Variants in SLC38A10 observed in about 807,000 individuals in gnomAD.
SLC38A10 encodes Sodium-coupled neutral amino acid transporter 10.
A neutral mutation model predicts 81.0 loss-of-function variants in SLC38A10; 53 were observed. The ratio of observed to expected loss-of-function variants is 0.65; its 90% CI spans 0.53 to 0.82. The LOEUF is 0.82. Ranked by LOEUF, SLC38A10 falls within the 40% of genes least tolerant of loss-of-function variation. SLC38A10 has a pLI of 0.00. For missense variants in SLC38A10, 1,471 were observed against 1,545.0 expected, an observed-to-expected ratio of 0.95 and a Z score of 0.80; for synonymous variants, 665 against 655.3, an observed-to-expected ratio of 1.01 and a Z score of -0.23.
chr17:81,251,808 C>T (rs1000355842), intron 13 of SLC38A10, 196 bp from the exon 14 acceptor site: 1 of 609,540 alleles, frequency 1.6e-6, no homozygotes, highest in African/African-American at 1.9e-5. Context: ...ACCTCATAGG[C>T]TTGTGGCAAT....
intron 5 of SLC38A10, 129 bp from the exon 6 acceptor site, chr17:81,280,862 C>T (rs968885014): frequency 9.6e-6 from 13 of 1,354,980 alleles, no homozygotes; most frequent in Middle Eastern, 2.6e-4. Flanking sequence ...CCCAGCCCCC[C>T]ACCACCCTGT....
At position 81,245,589 on chromosome 17, in the gene SLC38A10, A is replaced by G. The variant is rs1158494989; in HGVS notation, c.3327T>C (p.Leu1109=). The G allele has an allele frequency of 6.2e-7, 1 of 1,611,120 alleles. No homozygotes were observed. The highest frequency in any genetic ancestry group is 8.5e-7 in the Non-Finnish European group (1 of 1,179,290). ...GALQVVHSRQ[L]RQAPGPPEES ...CCTCTGGAGGCCCAGGCGCCTGTCT[A>G]AGCTGCCGGCTGTGGACCACCTGCA... The change falls in exon 16 of 16, where the codon CTT becomes CTC. Residue 1109 remains leucine (L), a synonymous_variant. Transcript: ENST00000374759.
In SLC38A10 at chr17:81,259,291, T is replaced by C. The variant is rs1409851606; in HGVS notation, c.1288+947A>G. Among the ~76,000 whole-genome samples, 4 of 152,150 alleles carry C rather than the reference T, an allele frequency of 2.6e-5. No individual in the cohort carries two copies. The East Asian group carries it at 5.8e-4, about 22-fold the overall frequency. ...CAGAGCCGGCACTGCTCACTGGGGC[T>C]CCTCGGGTGGTGGGCAGATGACGCC... On this transcript the variant is annotated intron_variant, in intron 11 of 15. Coordinates refer to ENST00000374759, the MANE Select transcript of SLC38A10 (RefSeq NM_001037984.3).
chr17:81,249,576 T>C (rs1265532575), intron 14 of SLC38A10, among the ~76,000 whole-genome samples: 1 of 114,532 alleles, frequency 8.7e-6, no homozygotes, highest in African/African-American at 3.9e-5. Context: ...GAAGGAGCCA[T>C]GCCACGTCCA....
In SLC38A10 at chr17:81,245,065, CATA is replaced by C. The variant is rs775069775; in HGVS notation, c.*488_*490del. 25 of 159,828 alleles carry C rather than the reference CATA, an allele frequency of 1.6e-4. No individual in the cohort carries two copies. The highest frequency in any genetic ancestry group is 2.6e-4 in the Non-Finnish European group (19 of 73,314). The allele number at this position is 159,828 out of a possible 1,614,324, so 9.9% of individuals were successfully genotyped here. ...ACTGTGGGAAGCATCGATAAACAGT[CATA>C]ATAATTATCATTCTGAGTCACTGCA... On this transcript the variant is annotated 3_prime_UTR_variant, in exon 16 of 16. Coordinates refer to ENST00000374759, the MANE Select transcript of SLC38A10 (RefSeq NM_001037984.3).
Position 81,253,854 on chromosome 17 carries a change from C to T in SLC38A10, c.1289-614G>A, listed in dbSNP as rs1307836677. ...TCACCGCTATCATCACCACCATCTCCATCCCTACCACCATCACCATCATCA... is the reference window on the plus strand; with the variant it reads ...TCACCGCTATCATCACCACCATCTCTATCCCTACCACCATCACCATCATCA... On this transcript the variant is annotated intron_variant, in intron 11 of 15. Coordinates refer to ENST00000374759, the MANE Select transcript of SLC38A10 (RefSeq NM_001037984.3). The surrounding 1 kb of genome is among the most constrained non-coding windows in gnomAD (Gnocchi z 4.1). Among the ~76,000 whole-genome samples the T allele has an allele frequency of 6.6e-6, 1 of 151,886 alleles. No homozygotes were observed. Among genetic ancestry groups the T allele is most frequent in the Non-Finnish European group, 1.5e-5 (1 of 68,004 alleles).
At chr17:81,260,056 T>A (rs1044463155) in intron 11 of SLC38A10, among the ~76,000 whole-genome samples, 182 bp downstream of exon 11, 4 of 152,162 alleles carry the variant, frequency 2.6e-5, no homozygotes, top group Non-Finnish European at 5.9e-5. Flanking sequence ...CAGGCAGCCA[T>A]GCCACAGCCA....
intron 8 of SLC38A10, among the ~76,000 whole-genome samples, chr17:81,273,061 C>A (rs1343953239): frequency 6.6e-6 from 1 of 152,170 alleles, no homozygotes; most frequent in Non-Finnish European, 1.5e-5. Context: ...AGAACCCCCC[C>A]AAACACACGC....
In SLC38A10 at chr17:81,245,652, G is replaced by A; in HGVS notation, c.3264C>T (p.Ala1088=). ...CAGCCTGGCGGAGCTGGGCATCCAGGGCGCCACGGAGGTCGTTCACCTGGA... is the reference window on the plus strand; with the variant it reads ...CAGCCTGGCGGAGCTGGGCATCCAGAGCGCCACGGAGGTCGTTCACCTGGA... ...PDVQVNDLRG[A]LDAQLRQAAG... Residue 1088 remains alanine, a synonymous_variant, in exon 16 of 16, where the codon GCC becomes GCT. Transcript: ENST00000374759. 6.2e-7 allele frequency: 1 copy of A among 1,612,162 alleles called. No individual in the cohort carries two copies. Among genetic ancestry groups the A allele is most frequent in the Non-Finnish European group, 8.5e-7 (1 of 1,179,666 alleles).
chr17:81,294,044 C>T (rs574460369), intron 1 of SLC38A10, among the ~76,000 whole-genome samples: 1 of 151,762 alleles, frequency 6.6e-6, no homozygotes, highest in Non-Finnish European at 1.5e-5. Flanking sequence ...GACGGAGTCT[C>T]CCTCTGTCGC....
Position 81,276,690 on chromosome 17 carries a change from G to A in SLC38A10, c.729+341C>T, listed in dbSNP as rs1246245990. Among the ~76,000 whole-genome samples, 5 of 151,872 alleles carry A rather than the reference G, an allele frequency of 3.3e-5. No homozygotes were observed. Among genetic ancestry groups the A allele is most frequent in the South Asian group, 2.1e-4 (1 of 4,806 alleles). ...CAGGTGTGAGCAACGGCGCCCGGCC[G>A]GAACATGCCCATTTCTACAGAGAAT... is the stretch of plus-strand genomic sequence containing the variant. On this transcript the variant is annotated intron_variant, in intron 7 of 15. Coordinates refer to ENST00000374759, the MANE Select transcript of SLC38A10 (RefSeq NM_001037984.3). The surrounding 1 kb of genome is among the most constrained non-coding windows in gnomAD (Gnocchi z 4.7).
chr17:81,245,164 G>A lies in SLC38A10; in HGVS notation c.*392C>T, dbSNP rs1191843835. 1.4e-5 allele frequency: 3 copies of A among 209,682 alleles called. No individual in the cohort carries two copies. The highest frequency in any genetic ancestry group is 2.9e-5 in the Non-Finnish European group (3 of 104,942). The allele number at this position is 209,682 out of a possible 1,614,324, so 13.0% of individuals were successfully genotyped here. ...CATGAGCAGCCATGCGCACCTCCACGCACGGCCGAGCTCAACCCGAAGACC... is the reference window on the plus strand; with the variant it reads ...CATGAGCAGCCATGCGCACCTCCACACACGGCCGAGCTCAACCCGAAGACC... On this transcript the variant is annotated 3_prime_UTR_variant, in exon 16 of 16. Transcript: ENST00000374759.
Position 81,275,979 on chromosome 17 carries a change from C to T in SLC38A10, c.902G>A (p.Cys301Tyr). The T allele has an allele frequency of 6.2e-7, 1 of 1,613,460 alleles. No homozygotes were observed. The highest frequency in any genetic ancestry group is 8.5e-7 in the Non-Finnish European group (1 of 1,179,892). Residue 301 changes from cysteine to tyrosine, a missense_variant, in exon 8 of 16, where the codon TGT becomes TAT. Physicochemically the swap from Cys to Tyr is radical, Grantham distance 194 (BLOSUM62 -2). Transcript: ENST00000374759. ...CCCCGAGGGTCTTACCTGCTGCTCACACAGCAGCGTGCTCAGGGCCTGCCT... is the reference window on the plus strand; with the variant it reads ...CCCCGAGGGTCTTACCTGCTGCTCATACAGCAGCGTGCTCAGGGCCTGCCT... The part of the protein sequence containing the change: ...PCRQALSTLL[C>Y]EQQQKDGTFA...
Position 81,277,214 on chromosome 17 carries a change from C to T in SLC38A10, c.627-81G>A. On this transcript the variant is annotated intron_variant, in intron 6 of 15. Transcript: ENST00000374759. This position sits in a 1 kb window ranked among gnomAD's most constrained non-coding sequence, Gnocchi z 4.5. ...CGGCTCCACTTCTAGGACCTCTCTG[C>T]AGCCCAGTGAGAGTCTCTGACCTTC... is the stretch of plus-strand genomic sequence containing the variant. 3 of 1,236,502 alleles carry T rather than the reference C, an allele frequency of 2.4e-6. No homozygotes were observed. The highest frequency in any genetic ancestry group is 1.2e-5 in the South Asian group (1 of 80,788). The allele number at this position is 1,236,502 out of a possible 1,614,324, so 76.6% of individuals were successfully genotyped here. A position where few individuals can be genotyped will look rare whatever the true frequency, so the allele number is the denominator to read the frequency against.
At chr17:81,272,372 A>C in intron 9 of SLC38A10, 144 bp downstream of exon 9, 3 of 464,798 alleles carry the variant, frequency 6.5e-6, no homozygotes. Flanking sequence ...TCTGTGGGCC[A>C]GAGAAAAACT....
chr17:81,274,483 G>A (rs926197397), intron 8 of SLC38A10, among the ~76,000 whole-genome samples: 3 of 152,256 alleles, frequency 2.0e-5, no homozygotes, highest in Non-Finnish European at 2.9e-5. Flanking sequence ...CAGTTCAAGA[G>A]GAACGTGTGC....
In SLC38A10 at chr17:81,282,404, G is replaced by C; in HGVS notation, c.358-72C>G. On this transcript the variant is annotated intron_variant, in intron 4 of 15. Coordinates refer to ENST00000374759, the MANE Select transcript of SLC38A10 (RefSeq NM_001037984.3). ...ACCACCGGGCTCTCTGCACTGACAGGGAGTGGGAGCGCCCCGAGCCCGAAA... is the reference window on the plus strand; with the variant it reads ...ACCACCGGGCTCTCTGCACTGACAGCGAGTGGGAGCGCCCCGAGCCCGAAA... 4 of 1,534,364 alleles carry C rather than the reference G, an allele frequency of 2.6e-6. No homozygotes were observed. The South Asian group carries it at 4.7e-5, about 18-fold the overall frequency.
intron 1 of SLC38A10, among the ~76,000 whole-genome samples, chr17:81,293,645 A>AT (rs1172232074): frequency 1.3e-5 from 2 of 151,736 alleles, no homozygotes; most frequent in Non-Finnish European, 2.9e-5. Flanking sequence ...CTAACTTTTA[A>AT]TTTTTTTTGT....
rs1427624339 is a variant in SLC38A10 at position 81,295,077 on chromosome 17, C to A, written c.-156G>T. The A allele has an allele frequency of 4.8e-6, 6 of 1,247,518 alleles. No homozygotes were observed. The African/African-American group carries it at 7.9e-5, about 17-fold the overall frequency. 77.3% of individuals were successfully genotyped at this position (1,247,518 alleles called of 1,614,324 possible). A position where few individuals can be genotyped will look rare whatever the true frequency, so the allele number is the denominator to read the frequency against. ...GCCTGAACACGGGAGCCTGAGCAGGCGCGGGCGCGGGCCCCAGAGGCTGCC... is the reference window on the plus strand; with the variant it reads ...GCCTGAACACGGGAGCCTGAGCAGGAGCGGGCGCGGGCCCCAGAGGCTGCC... On this transcript the variant is annotated 5_prime_UTR_variant, in exon 1 of 16. Coordinates refer to ENST00000374759, the MANE Select transcript of SLC38A10 (RefSeq NM_001037984.3).
Sources: gnomAD v4.1 joint callset for allele counts (sites outside exome capture counted in the v4.1 genomes callset) on GRCh38, gnomAD v4.1.1 for gene constraint, Gnocchi (gnomAD v3.1) non-coding constraint, MANE v1.5 for transcripts, NCBI Gene and HGNC (gene_info 2026-07-23, HGNC 2026-07-21) for gene names.